Variants in PKNOX2 observed in about 807,000 individuals in gnomAD.
PKNOX2 encodes PBX/knotted 1 homeobox 2.
Under a neutral mutation model 53.1 loss-of-function variants are expected in PKNOX2, and 14 were observed. The ratio of observed to expected loss-of-function variants is 0.26; its 90% CI spans 0.17 to 0.41. The LOEUF (loss-of-function observed/expected upper bound fraction) is 0.41. Ranked by LOEUF, PKNOX2 falls within the 10% of genes least tolerant of loss-of-function variation. The probability of loss-of-function intolerance (pLI) is 1.00; values close to 1 mark genes in which losing one functional copy is unlikely to be tolerated. For missense variants in PKNOX2, 496 were observed against 602.8 expected, an observed-to-expected ratio of 0.82 and a Z score of 1.85; for synonymous variants, 257 against 242.8, an observed-to-expected ratio of 1.06 and a Z score of -0.54.
chr11:125,403,129 G>A (rs1028226991), intron 7 of PKNOX2, among the ~76,000 whole-genome samples: 2 of 152,080 alleles, frequency 1.3e-5, no homozygotes, highest in African/African-American at 4.8e-5. Context: ...GGGGTGAAGG[G>A]GGCTCATTCA....
intron 1 of PKNOX2, among the ~76,000 whole-genome samples, chr11:125,190,707 C>G (rs936572670): frequency 6.6e-6 from 1 of 152,182 alleles, no homozygotes; most frequent in African/African-American, 2.4e-5. Context: ...CTTTCCTGGG[C>G]TCTCACTCTG....
chr11:125,299,121 C>G (rs1475635595), intron 2 of PKNOX2, among the ~76,000 whole-genome samples: 1 of 152,106 alleles, frequency 6.6e-6, no homozygotes, highest in Non-Finnish European at 1.5e-5. Context: ...CTGGCAAGAG[C>G]AGGAGCAAGA....
chr11:125,263,264 C>T (rs1158640102), intron 2 of PKNOX2, among the ~76,000 whole-genome samples: 1 of 152,206 alleles, frequency 6.6e-6, no homozygotes. Context: ...AGCCAAGCTC[C>T]CCCACCCCAC....
intron 6 of PKNOX2, among the ~76,000 whole-genome samples, chr11:125,386,412 G>A (rs1334474434): frequency 6.6e-6 from 1 of 152,204 alleles, no homozygotes; most frequent in Non-Finnish European, 1.5e-5. Flanking sequence ...TAACCACTGA[G>A]TTGGATGACA....
At chr11:125,315,029 G>A (rs558656917) in intron 2 of PKNOX2, among the ~76,000 whole-genome samples, 8 of 152,202 alleles carry the variant, frequency 5.3e-5, no homozygotes, top group Admixed American at 2.0e-4. Flanking sequence ...ACCAGGAGCC[G>A]GACAGAGTCC....
chr11:125,353,937 T>A (rs1951457338), intron 4 of PKNOX2, among the ~76,000 whole-genome samples: 1 of 150,842 alleles, frequency 6.6e-6, no homozygotes, highest in Non-Finnish European at 1.5e-5. Context: ...GTGGGAGGGA[T>A]GGGGGAGCTG....
intron 1 of PKNOX2, among the ~76,000 whole-genome samples, chr11:125,211,103 C>T (rs148688399): frequency 5.3e-5 from 8 of 152,212 alleles, no homozygotes; most frequent in African/African-American, 1.4e-4. Flanking sequence ...CCGATTCCTC[C>T]CTCTCCTTCC....
chr11:125,211,547 C>T (rs757079516), intron 1 of PKNOX2, among the ~76,000 whole-genome samples: 3 of 152,060 alleles, frequency 2.0e-5, no homozygotes, highest in Non-Finnish European at 2.9e-5. Flanking sequence ...TGGCAGAGAG[C>T]GACTGGGGCC....
intron 2 of PKNOX2, among the ~76,000 whole-genome samples, chr11:125,303,669 G>C (rs1381373209): frequency 6.6e-6 from 1 of 152,094 alleles, no homozygotes; most frequent in Non-Finnish European, 1.5e-5. Flanking sequence ...TCCACTTTTG[G>C]GAAATGCTGG....
chr11:125,348,095 C>G (rs1403416207), intron 3 of PKNOX2, among the ~76,000 whole-genome samples: 1 of 152,164 alleles, frequency 6.6e-6, no homozygotes. Context: ...GCAGGCTTCC[C>G]CCAAAGGGCC....
At chr11:125,402,715 GA>G (rs1954825726) in intron 7 of PKNOX2, among the ~76,000 whole-genome samples, 1 of 152,170 alleles carries the variant, frequency 6.6e-6, no homozygotes, top group Non-Finnish European at 1.5e-5. Context: ...GAGATGGGGA[GA>G]GGAGCTGCAG....
chr11:125,267,173 A>G (rs1404216733), intron 2 of PKNOX2, among the ~76,000 whole-genome samples: 3 of 152,104 alleles, frequency 2.0e-5, no homozygotes, highest in African/African-American at 4.8e-5. Flanking sequence ...TGAAAATTTC[A>G]CAACCTGTGA....
intron 1 of PKNOX2, among the ~76,000 whole-genome samples, chr11:125,212,884 G>A (rs1940037026): frequency 6.6e-6 from 1 of 151,948 alleles, no homozygotes; most frequent in African/African-American, 2.4e-5. Context: ...ACTTTGACTT[G>A]GCCCAGGTCA....
chr11:125,223,364 G>C (rs1156284916), intron 1 of PKNOX2, among the ~76,000 whole-genome samples: 1 of 152,028 alleles, frequency 6.6e-6, no homozygotes, highest in Non-Finnish European at 1.5e-5. Context: ...TGAGCAGCTG[G>C]GATTACAGGC....
At chr11:125,325,964 A>G (rs1949796677) in intron 2 of PKNOX2, among the ~76,000 whole-genome samples, 1 of 152,210 alleles carries the variant, frequency 6.6e-6, no homozygotes, top group African/African-American at 2.4e-5. Flanking sequence ...AATAATAATA[A>G]CTAAGTAAGC....
intron 1 of PKNOX2, among the ~76,000 whole-genome samples, chr11:125,180,290 T>C (rs1763754719): frequency 6.7e-6 from 1 of 149,990 alleles, no homozygotes; most frequent in African/African-American, 2.5e-5. Flanking sequence ...AGAGCGATTG[T>C]TGGATTTCTG....
intron 2 of PKNOX2, among the ~76,000 whole-genome samples, chr11:125,268,775 G>A (rs926211675): frequency 7.2e-5 from 11 of 152,002 alleles, no homozygotes; most frequent in Non-Finnish European, 1.0e-4. Flanking sequence ...ATCTGGGCTC[G>A]GACAAGCACT....
chr11:125,228,203 C>G (rs1941882103), intron 1 of PKNOX2, among the ~76,000 whole-genome samples: 1 of 152,248 alleles, frequency 6.6e-6, no homozygotes, highest in Non-Finnish European at 1.5e-5. Context: ...TCCAGTATGA[C>G]AGCCACTAGC....
intron 1 of PKNOX2, among the ~76,000 whole-genome samples, chr11:125,172,712 G>T (rs758556708): frequency 6.6e-6 from 1 of 152,036 alleles, no homozygotes; most frequent in Non-Finnish European, 1.5e-5. Context: ...GGATTGCTTC[G>T]TGGCTTTGTG....
Sources: allele counts gnomAD v4.1 joint callset (sites outside exome capture counted in the v4.1 genomes callset), GRCh38; gene constraint gnomAD v4.1.1; transcripts MANE v1.5; gene names NCBI Gene and HGNC (gene_info 2026-07-23, HGNC 2026-07-21).